DIP2C: variants seen among roughly 807,000 people sequenced by gnomAD.
DIP2C encodes disco-interacting protein 2 homolog C.
In DIP2C, 33 loss-of-function variants were observed where a neutral mutation model predicts 192.4. The ratio of observed to expected loss-of-function variants is 0.17; its 90% CI spans 0.13 to 0.23. The LOEUF (loss-of-function observed/expected upper bound fraction) is 0.23. DIP2C is among the 10% of genes least tolerant of loss of function. The pLI, the probability that DIP2C is intolerant of heterozygous loss-of-function variation, is 1.00. For synonymous variants in DIP2C, 979 were observed against 864.1 expected, an observed-to-expected ratio of 1.13 and a Z score of -2.33; for missense variants, 1,537 against 2,110.1, an observed-to-expected ratio of 0.73 and a Z score of 5.32.
chr10:642,419 G>A (rs1056448876), intron 1 of DIP2C, among the ~76,000 whole-genome samples: 1 of 152,260 alleles, frequency 6.6e-6, no homozygotes, highest in Non-Finnish European at 1.5e-5. Context: ...TCTAATGCAT[G>A]CCAGAGGGAG....
At chr10:614,564 C>T (rs1853315375) in intron 1 of DIP2C, among the ~76,000 whole-genome samples, 1 of 152,224 alleles carries the variant, frequency 6.6e-6, no homozygotes, top group South Asian at 2.1e-4. Context: ...GAACTGCCTG[C>T]TGAACTGGAA....
intron 16 of DIP2C, among the ~76,000 whole-genome samples, 161 bp from the exon 17 acceptor site, chr10:382,922 G>A (rs1422456650): frequency 1.3e-5 from 2 of 152,232 alleles, no homozygotes; most frequent in African/African-American, 4.8e-5. Flanking sequence ...TACACTGAAA[G>A]TGGTTATTCT....
Position 563,975 on chromosome 10 carries a change from G to T in DIP2C, c.86-77445C>A, listed in dbSNP as rs574924122. Among the ~76,000 whole-genome samples, 185 of 152,362 alleles carry T rather than the reference G, an allele frequency of 1.2e-3. 7 individuals are homozygous for T. In the South Asian group the frequency reaches 0.038, roughly 31 times the overall value. On this transcript the variant is annotated intron_variant, in intron 1 of 36. Coordinates refer to ENST00000280886, the MANE Select transcript of DIP2C (RefSeq NM_014974.3). Reference sequence around the variant, plus strand: ...AATTTGAAGAAACTGAAGAATTAAAGTCTGTGAATAATCTGAATGGATCAA... The same window carrying T: ...AATTTGAAGAAACTGAAGAATTAAATTCTGTGAATAATCTGAATGGATCAA...
At chr10:483,287 G>A (rs893563751) in intron 2 of DIP2C, among the ~76,000 whole-genome samples, 1 of 152,218 alleles carries the variant, frequency 6.6e-6, no homozygotes, top group Non-Finnish European at 1.5e-5. Context: ...AGCAGCACAG[G>A]GGAACAAGAA....
intron 1 of DIP2C, among the ~76,000 whole-genome samples, chr10:610,630 A>G (rs981746953): frequency 3.3e-5 from 5 of 152,272 alleles, no homozygotes; most frequent in Non-Finnish European, 7.3e-5. Flanking sequence ...AGTGCAGGTA[A>G]GAACGGGGAG....
chr10:675,008 T>A (rs1023599919), intron 1 of DIP2C, among the ~76,000 whole-genome samples: 1 of 152,038 alleles, frequency 6.6e-6, no homozygotes, highest in African/African-American at 2.4e-5. Context: ...CCTCAGCACA[T>A]GGAACATTCT....
chr10:636,243 C>T lies in DIP2C; in HGVS notation c.85+53251G>A, dbSNP rs1298274921. Among the ~76,000 whole-genome samples the T allele has an allele frequency of 6.6e-6, 1 of 152,186 alleles. No individual in the cohort carries two copies. Among genetic ancestry groups the T allele is most frequent in the Admixed American group, 6.5e-5 (1 of 15,282 alleles). On this transcript the variant is annotated intron_variant, in intron 1 of 36. Coordinates refer to ENST00000280886, the MANE Select transcript of DIP2C (RefSeq NM_014974.3). The surrounding 1 kb of genome is among the most constrained non-coding windows in gnomAD (Gnocchi z 4.6). ...CTCTTCCCGGCTGAACCCAAGGGTGCTTGGCTTGACTCACTTCCATACCAA... is the reference window on the plus strand; with the variant it reads ...CTCTTCCCGGCTGAACCCAAGGGTGTTTGGCTTGACTCACTTCCATACCAA...
intron 2 of DIP2C, among the ~76,000 whole-genome samples, chr10:474,251 T>TC (rs1970878960): frequency 1.3e-5 from 2 of 152,168 alleles, no homozygotes; most frequent in Non-Finnish European, 2.9e-5. Context: ...ACACCACCCC[T>TC]TACGCCACTG....
At chr10:378,351 A>G (rs1961886047) in intron 17 of DIP2C, among the ~76,000 whole-genome samples, 1 of 152,252 alleles carries the variant, frequency 6.6e-6, no homozygotes, top group Admixed American at 6.5e-5. Flanking sequence ...ACAGACACAC[A>G]TGAAGGCACA....
At chr10:505,849 G>A (rs768422170) in intron 1 of DIP2C, among the ~76,000 whole-genome samples, 2 of 152,162 alleles carry the variant, frequency 1.3e-5, no homozygotes, top group African/African-American at 2.4e-5. Context: ...TCCTCTGGGC[G>A]CACCTGACAA....
intron 29 of DIP2C, 115 bp downstream of exon 29, chr10:341,084 C>T (rs768490402): frequency 3.4e-5 from 50 of 1,455,086 alleles, no homozygotes; most frequent in Non-Finnish European, 4.5e-5. Context: ...CCCCAGGCCT[C>T]CTCTGGCAGG....
At chr10:371,926 T>C (rs1220816303) in intron 17 of DIP2C, among the ~76,000 whole-genome samples, 1 of 152,198 alleles carries the variant, frequency 6.6e-6, no homozygotes, top group Non-Finnish European at 1.5e-5. Context: ...GTACACTTAT[T>C]TTTGTTTTTA....
intron 31 of DIP2C, among the ~76,000 whole-genome samples, chr10:317,989 C>T (rs1019978484): frequency 2.4e-4 from 37 of 152,180 alleles, no homozygotes; most frequent in African/African-American, 7.7e-4. Flanking sequence ...GGTTTGATGA[C>T]GGTCATGGTA....
intron 1 of DIP2C, among the ~76,000 whole-genome samples, chr10:542,135 C>CCACTT (rs1564833175): frequency 1.3e-5 from 2 of 152,198 alleles, no homozygotes; most frequent in Admixed American, 6.5e-5. Context: ...AGGCCACATC[C>CCACTT]CACTTGCCTG....
chr10:351,074 C>A (rs567482391), intron 24 of DIP2C, among the ~76,000 whole-genome samples: 1 of 152,212 alleles, frequency 6.6e-6, no homozygotes, highest in East Asian at 1.9e-4. Context: ...GAGTGCACAG[C>A]GAGCCCGAGA....
At chr10:384,268 A>T (rs1962656042) in intron 15 of DIP2C, 122 bp from the exon 16 acceptor site, 1 of 1,088,108 alleles carries the variant, frequency 9.2e-7, no homozygotes, top group Non-Finnish European at 1.3e-6. Flanking sequence ...AGCCCCCACA[A>T]ACCTTTTTTT....
At chr10:296,885 T>C (rs957928049) in intron 32 of DIP2C, among the ~76,000 whole-genome samples, 4 of 99,570 alleles carry the variant, frequency 4.0e-5, no homozygotes, top group African/African-American at 1.7e-4. Context: ...CTGAGGCCTG[T>C]TGTGGGGTGG....
chr10:508,643 G>T (rs1186379732), intron 1 of DIP2C, among the ~76,000 whole-genome samples: 1 of 152,180 alleles, frequency 6.6e-6, no homozygotes, highest in East Asian at 1.9e-4. Context: ...GGACAAGTGT[G>T]ATGCTGAATG....
chr10:389,194 C>G (rs908531728), intron 13 of DIP2C, among the ~76,000 whole-genome samples: 3 of 150,102 alleles, frequency 2.0e-5, no homozygotes, highest in Admixed American at 6.6e-5. Context: ...CAAGGGATCT[C>G]AGGGGCATGG....
Sources: allele counts gnomAD v4.1 joint callset (sites outside exome capture counted in the v4.1 genomes callset), GRCh38; gene constraint gnomAD v4.1.1; non-coding constraint Gnocchi (gnomAD v3.1); transcripts MANE v1.5; gene names NCBI Gene and HGNC (gene_info 2026-07-23, HGNC 2026-07-21).